SLC10A7: variants seen among roughly 807,000 people sequenced by gnomAD.
SLC10A7 encodes sodium/bile acid cotransporter 7.
Under a neutral mutation model 43.2 loss-of-function variants are expected in SLC10A7, and 29 were observed. The ratio of observed to expected loss-of-function variants is 0.67; its 90% confidence interval spans 0.50 to 0.92. The LOEUF is 0.92. Ranked by LOEUF, SLC10A7 falls within the 40% of genes least tolerant of loss-of-function variation. The pLI, the probability that SLC10A7 is intolerant of heterozygous loss-of-function variation, is 0.00. For missense variants in SLC10A7, 295 were observed against 403.2 expected (o/e 0.73, Z 2.30); for synonymous variants, 152 against 144.8 (o/e 1.05, Z -0.35).
intron 9 of SLC10A7, among the ~76,000 whole-genome samples, chr4:146,291,845 G>C (rs928168673): frequency 6.6e-6 from 1 of 152,194 alleles, no homozygotes; most frequent in African/African-American, 2.4e-5. Flanking sequence ...GTACCACCCA[G>C]AGGACACTTG....
chr4:146,514,048 C>T (rs1000034741), intron 2 of SLC10A7: 10 of 152,146 alleles, frequency 6.6e-5, no homozygotes, highest in African/African-American at 9.7e-5. Context: ...CTAATTGGGA[C>T]GTAGAAATAT....
chr4:146,445,881 CTT>C (rs981917206), intron 4 of SLC10A7, among the ~76,000 whole-genome samples: 4 of 125,448 alleles, frequency 3.2e-5, no homozygotes, highest in African/African-American at 9.5e-5. Context: ...TCTCTTCTCT[CTT>C]CTCTCTTCTG....
chr4:146,374,238 A>C (rs1399708462), intron 5 of SLC10A7, among the ~76,000 whole-genome samples: 1 of 152,208 alleles, frequency 6.6e-6, no homozygotes, highest in African/African-American at 2.4e-5. Flanking sequence ...GGGATCTAGC[A>C]CAGGGCCTAT....
intron 5 of SLC10A7, among the ~76,000 whole-genome samples, chr4:146,385,090 T>A (rs1255920299): frequency 6.6e-6 from 1 of 152,084 alleles, no homozygotes; most frequent in Non-Finnish European, 1.5e-5. Context: ...CTCCTTAGTA[T>A]TTTTTCTCTT....
intron 5 of SLC10A7, among the ~76,000 whole-genome samples, chr4:146,327,510 C>T (rs1332868273): frequency 2.0e-5 from 3 of 152,256 alleles, no homozygotes; most frequent in Admixed American, 6.5e-5. Flanking sequence ...CCAAATTTTA[C>T]AGGGCCACAT....
chr4:146,517,319 C>T (rs546468228), intron 1 of SLC10A7, among the ~76,000 whole-genome samples, 199 bp from the exon 2 acceptor site: 3 of 152,040 alleles, frequency 2.0e-5, no homozygotes, highest in East Asian at 1.9e-4. Context: ...AAAAATTAGC[C>T]GGGCATGGTG....
At chr4:146,345,788 G>A (rs1490015487) in intron 5 of SLC10A7, among the ~76,000 whole-genome samples, 1 of 151,850 alleles carries the variant, frequency 6.6e-6, no homozygotes, top group Admixed American at 6.6e-5. Context: ...GAAATGCTTG[G>A]GACATAATAG....
At chr4:146,275,630 C>T (rs906997572) in intron 10 of SLC10A7, among the ~76,000 whole-genome samples, 4 of 152,076 alleles carry the variant, frequency 2.6e-5, no homozygotes, top group African/African-American at 9.7e-5. Context: ...TGTATAAGTT[C>T]TGGATTCTTT....
At chr4:146,292,833 G>GA in intron 9 of SLC10A7, 96 bp downstream of exon 9, 3 of 839,574 alleles carry the variant, frequency 3.6e-6, no homozygotes, top group Non-Finnish European at 5.6e-6. Context: ...TGTAAAAGGA[G>GA]AAAAAAATAT....
At chr4:146,443,496 AT>A (rs1560912067) in intron 4 of SLC10A7, among the ~76,000 whole-genome samples, 1 of 152,250 alleles carries the variant, frequency 6.6e-6, no homozygotes, top group African/African-American at 2.4e-5. Context: ...ACTATATTCA[AT>A]GAAGCTATAC....
At chr4:146,280,257 G>A (rs1399582203) in intron 10 of SLC10A7, among the ~76,000 whole-genome samples, 5 of 152,134 alleles carry the variant, frequency 3.3e-5, no homozygotes, top group Admixed American at 2.6e-4. Context: ...TTTTTAAAGT[G>A]CCAAATAGTT....
intron 5 of SLC10A7, among the ~76,000 whole-genome samples, chr4:146,393,863 C>T (rs952473404): frequency 3.3e-5 from 5 of 152,152 alleles, no homozygotes; most frequent in Non-Finnish European, 7.4e-5. Context: ...CCAATAAGAG[C>T]AATTATTCTG....
intron 3 of SLC10A7, among the ~76,000 whole-genome samples, chr4:146,509,015 A>G (rs927246862): frequency 2.6e-5 from 4 of 152,162 alleles, no homozygotes; most frequent in Non-Finnish European, 5.9e-5. Context: ...ATCCTGCCCT[A>G]GAGCCTTTGT....
At chr4:146,466,631 T>C (rs536509600) in intron 4 of SLC10A7, among the ~76,000 whole-genome samples, 9 of 152,334 alleles carry the variant, frequency 5.9e-5, no homozygotes, top group African/African-American at 2.2e-4. Context: ...CAAAATTGCA[T>C]TTCATAAGCA....
intron 5 of SLC10A7, among the ~76,000 whole-genome samples, chr4:146,397,463 C>T (rs1306189747): frequency 6.6e-6 from 1 of 152,166 alleles, no homozygotes; most frequent in Non-Finnish European, 1.5e-5. Context: ...TAACCTTTCT[C>T]ATTTGTGCTG....
chr4:146,443,931 T>C (rs1730816658), intron 4 of SLC10A7, among the ~76,000 whole-genome samples: 1 of 152,214 alleles, frequency 6.6e-6, no homozygotes, highest in South Asian at 2.1e-4. Context: ...CCACAGCTCC[T>C]CTGTGGCATA....
intron 5 of SLC10A7, among the ~76,000 whole-genome samples, chr4:146,382,524 G>A (rs1737701495): frequency 6.6e-6 from 1 of 152,134 alleles, no homozygotes; most frequent in South Asian, 2.1e-4. Flanking sequence ...TACTGAAACA[G>A]ACATGGAATT....
chr4:146,486,356 A>G (rs557243340), intron 4 of SLC10A7, among the ~76,000 whole-genome samples: 1 of 152,364 alleles, frequency 6.6e-6, no homozygotes, highest in East Asian at 1.9e-4. Flanking sequence ...GTGATTTACA[A>G]AACATGTTCA....
In SLC10A7 at chr4:146,294,959, A is replaced by T. The variant is rs369790296; in HGVS notation, c.556-864T>A. Among the ~76,000 whole-genome samples, 3 of 152,286 alleles carry T rather than the reference A, an allele frequency of 2.0e-5. No individual in the cohort carries two copies. In the East Asian group the frequency reaches 5.8e-4, roughly 29 times the overall value. The stretch of plus-strand genomic sequence containing the variant: ...GATAGCTGAGACATATTAAGTTTTG[A>T]GTCACTCATTATCCTGCATAATTGA... On this transcript the variant is annotated intron_variant, in intron 7 of 11. Coordinates refer to ENST00000335472, the MANE Select transcript of SLC10A7 (RefSeq NM_001029998.6).
Sources: gnomAD v4.1 joint callset for allele counts (sites outside exome capture counted in the v4.1 genomes callset) on GRCh38, gnomAD v4.1.1 for gene constraint, MANE v1.5 for transcripts, NCBI Gene and HGNC (gene_info 2026-07-23, HGNC 2026-07-21) for gene names.